TFAP2A: variants seen among roughly 807,000 people sequenced by gnomAD.
The protein encoded by TFAP2A is transcription factor AP-2 alpha.
A neutral mutation model predicts 41.5 loss-of-function variants in TFAP2A; 7 were observed. The ratio of observed to expected loss-of-function variants is 0.17; its 90% CI spans 0.10 to 0.32. The LOEUF (loss-of-function observed/expected upper bound fraction) is 0.32. TFAP2A is among the 10% of genes least tolerant of loss of function. TFAP2A has a pLI of 1.00. For missense variants in TFAP2A, 416 were observed against 563.3 expected, an observed-to-expected ratio of 0.74 and a Z score of 2.65; for synonymous variants, 247 against 242.8, an observed-to-expected ratio of 1.02 and a Z score of -0.16.
chr6:10,412,120 C>A, intron 1 of TFAP2A: 1 of 995,258 alleles, frequency 1.0e-6, no homozygotes, highest in Non-Finnish European at 1.2e-6. Context: ...CGCGCCGGAG[C>A]CGGCTCTCAA....
In TFAP2A at chr6:10,398,245, G is replaced by A; in HGVS notation, c.*172C>T. The A allele has an allele frequency of 2.6e-6, 4 of 1,512,554 alleles. No individual in the cohort carries two copies. The highest frequency in any genetic ancestry group is 4.0e-5 in the Admixed American group (2 of 49,618). 93.7% of individuals were successfully genotyped at this position (1,512,554 alleles called of 1,614,324 possible). A position where few individuals can be genotyped will look rare whatever the true frequency, so the allele number is the denominator to read the frequency against. The stretch of plus-strand genomic sequence containing the variant: ...AGGCTGCCCCACTGACAGTCGAGAG[G>A]GCAGTCCCGGAGACTCGGGGGGACC... On this transcript the variant is annotated 3_prime_UTR_variant, in exon 7 of 7. Transcript: ENST00000379613. This position sits in a 1 kb window ranked among gnomAD's most constrained non-coding sequence, Gnocchi z 5.3.
At position 10,404,727 on chromosome 6, in the gene TFAP2A, A is replaced by G. The variant is rs764532449; in HGVS notation, c.551T>C (p.Leu184Pro). ...QTVIKKGPVS[L>P]SKSNSNAVSA... ...GACGGCATTGCTGTTGGACTTGGAC[A>G]GGGACACGGGGCCTGCGGAGACAGA... is the stretch of plus-strand genomic sequence containing the variant. Residue 184 changes from leucine (L) to proline (P), a missense_variant, in exon 4 of 7, where the codon CTG (leucine) becomes CCG (proline). Physicochemically the swap from Leu to Pro is moderately conservative, Grantham distance 98. Coordinates refer to ENST00000379613, the MANE Select transcript of TFAP2A (RefSeq NM_001372066.1). 66 of 1,614,076 alleles carry G rather than the reference A, an allele frequency of 4.1e-5. 1 individual carries two copies. The South Asian group carries it at 5.8e-4, about 14-fold the overall frequency.
chr6:10,404,267 C>A (rs761976881), intron 4 of TFAP2A, among the ~76,000 whole-genome samples: 1 of 152,216 alleles, frequency 6.6e-6, no homozygotes, highest in African/African-American at 2.4e-5. Flanking sequence ...GCGAACGAAG[C>A]GCGCACCAGA....
intron 1 of TFAP2A, among the ~76,000 whole-genome samples, chr6:10,413,740 G>C (rs545775571): frequency 6.6e-6 from 1 of 152,334 alleles, no homozygotes; most frequent in Non-Finnish European, 1.5e-5. Context: ...AGAAAAGGGA[G>C]GAGGGAGCGG....
intron 1 of TFAP2A, chr6:10,414,464 A>AGAATGAATGAAT (rs3834293): frequency 2.3e-4 from 61 of 266,972 alleles, no homozygotes; most frequent in African/African-American, 9.9e-4. Context: ...GGGGGAAGAA[A>AGAATGAATGAAT]GAATGAATGA....
intron 4 of TFAP2A, among the ~76,000 whole-genome samples, chr6:10,404,185 G>A (rs980382173): frequency 2.6e-5 from 4 of 152,240 alleles, no homozygotes; most frequent in African/African-American, 9.6e-5. Flanking sequence ...GGCCGGGATT[G>A]AGCCCGCGGC....
At chr6:10,403,775 C>T (rs965390506) in intron 4 of TFAP2A, among the ~76,000 whole-genome samples, 1 of 152,144 alleles carries the variant, frequency 6.6e-6, no homozygotes, top group Non-Finnish European at 1.5e-5. Context: ...TCACTCAAAC[C>T]TCGCAGGGGT....
Position 10,404,549 on chromosome 6 carries a change from G to A in TFAP2A, c.729C>T (p.Pro243=), listed in dbSNP as rs140905560. 6.2e-7 allele frequency: 1 copy of A among 1,613,566 alleles called. No individual in the cohort carries two copies. The highest frequency in any genetic ancestry group is 8.5e-7 in the Non-Finnish European group (1 of 1,179,796). ...VAEVQRRLSP[P]ECLNASLLGG... is the part of the protein sequence containing the mutation. The stretch of plus-strand genomic sequence containing the variant: ...CCAGCAGCGACGCGTTGAGACACTC[G>A]GGTGGTGAGAGCCGCCGCTGCACTT... Residue 243 remains proline, a synonymous_variant, in exon 4 of 7, where the codon CCC becomes CCT. Coordinates refer to ENST00000379613, the MANE Select transcript of TFAP2A (RefSeq NM_001372066.1).
chr6:10,412,636 G>A (rs1758042423), intron 1 of TFAP2A: 1 of 297,984 alleles, frequency 3.4e-6, no homozygotes. Flanking sequence ...GTAGCGGGTA[G>A]GAGCTGCTTG....
upstream of TFAP2A, chr6:10,415,174 GC>G: frequency 6.7e-7 from 1 of 1,502,432 alleles, no homozygotes; most frequent in Non-Finnish European, 8.9e-7. Flanking sequence ...GAAGAGGAGG[GC>G]GAGGAGGAGG....
chr6:10,406,832 G>T lies in TFAP2A; in HGVS notation c.499C>A (p.Pro167Thr), dbSNP rs890498550. 2.5e-6 allele frequency: 4 copies of T among 1,613,200 alleles called. No homozygotes were observed. The African/African-American group carries it at 5.3e-5, about 22-fold the overall frequency. ...AIEEVPHVED[P>T]GINIPDQTVI... Reference sequence around the variant, plus strand: ...GTTTGATCTGGGATGTTAATACCCGGGTCTTCTACATGCTGCAACAAAAGG... The same window carrying T: ...GTTTGATCTGGGATGTTAATACCCGTGTCTTCTACATGCTGCAACAAAAGG... Residue 167 changes from proline to threonine, a missense_variant, in exon 3 of 7, where the codon CCG becomes ACG. By Grantham distance (38) the Pro-to-Thr change is conservative. Around this residue, in one of 3 missense-constraint regions of TFAP2A, gnomAD observed 241 missense variants for 274.1 expected, o/e 0.88. Transcript: ENST00000379613.
chr6:10,400,669 C>G, intron 5 of TFAP2A, 80 bp from the exon 6 acceptor site: 2 of 1,511,242 alleles, frequency 1.3e-6, no homozygotes, highest in South Asian at 2.2e-5. Context: ...TCCCAACTCC[C>G]TAATTCCCTT....
At chr6:10,409,636 T>G in intron 2 of TFAP2A, 1 of 489,442 alleles carries the variant, frequency 2.0e-6, no homozygotes, top group Non-Finnish European at 3.7e-6. Context: ...AATGGTGACA[T>G]TCGTCTGATT....
At chr6:10,400,415 G>C (rs1761964604) in intron 6 of TFAP2A, 33 bp downstream of exon 6, 1 of 1,614,110 alleles carries the variant, frequency 6.2e-7, no homozygotes, top group Non-Finnish European at 8.5e-7. Context: ...TTGACAACGA[G>C]ACACAGAGAC....
At chr6:10,400,399 T>C (rs1192876810) in intron 6 of TFAP2A, 49 bp downstream of exon 6, 1 of 1,613,806 alleles carries the variant, frequency 6.2e-7, no homozygotes, top group Non-Finnish European at 8.5e-7. Context: ...TTTGTTTCTC[T>C]TTCTCTTGAC....
At chr6:10,415,368 C>G (rs907769925), upstream of TFAP2A, 1 of 967,184 alleles carries the variant, frequency 1.0e-6, no homozygotes, top group Non-Finnish European at 1.4e-6. Context: ...TGCCGCCGGC[C>G]GCTCCGACAC....
rs765024507 is a variant in TFAP2A, at chr6:10,400,832, C to A, written c.890-243G>T. ...GACTTGAAAATGAAAATCTCATCCACCAACCTCCAGTCCCATCCCCCACCC... is the reference window on the plus strand; with the variant it reads ...GACTTGAAAATGAAAATCTCATCCAACAACCTCCAGTCCCATCCCCCACCC... On this transcript the variant is annotated intron_variant, in intron 5 of 6. Coordinates refer to ENST00000379613, the MANE Select transcript of TFAP2A (RefSeq NM_001372066.1). The A allele has an allele frequency of 1.6e-4, 108 of 670,032 alleles. 1 individual carries two copies. Among genetic ancestry groups the A allele is most frequent in the Admixed American group, 2.5e-4 (12 of 48,960 alleles). 41.5% of individuals were successfully genotyped at this position (670,032 alleles called of 1,614,324 possible).
chr6:10,409,614 G>A (rs1757860786), intron 2 of TFAP2A: 6 of 445,926 alleles, frequency 1.3e-5, no homozygotes, highest in South Asian at 1.3e-4. Flanking sequence ...TCGTCGAGAG[G>A]AAGATATTGT....
Position 10,402,505 on chromosome 6 carries a change from T to A in TFAP2A, c.876A>T (p.Thr292=). Residue 292 remains threonine (T), a synonymous_variant, in exon 5 of 7, where the codon ACA becomes ACT. Transcript: ENST00000379613. The stretch of plus-strand genomic sequence containing the variant: ...GGATTCGCTTACCCTCTACTAGTGA[T>A]GTGAGCAGGGTAACGTTGGCAGCTT... ...RRKAANVTLL[T]SLVEGEAVHL... 2.5e-6 allele frequency: 4 copies of A among 1,612,932 alleles called. No individual in the cohort carries two copies. The highest frequency in any genetic ancestry group is 3.4e-6 in the Non-Finnish European group (4 of 1,178,852).
Sources: allele counts gnomAD v4.1 joint callset (sites outside exome capture counted in the v4.1 genomes callset), GRCh38; gene constraint gnomAD v4.1.1; regional missense constraint gnomAD v4.1.1; non-coding constraint Gnocchi (gnomAD v3.1); transcripts MANE v1.5; gene names NCBI Gene and HGNC (gene_info 2026-07-23, HGNC 2026-07-21).